Variants in PTPRT observed in about 807,000 individuals in gnomAD.
PTPRT encodes receptor-type tyrosine-protein phosphatase T.
PTPRT carries 56 observed loss-of-function variants against 176.8 expected under a neutral mutation model. The ratio of observed to expected loss-of-function variants is 0.32; its 90% CI spans 0.26 to 0.40. The LOEUF (loss-of-function observed/expected upper bound fraction) is 0.40, where lower values mean the gene tolerates loss of function less well. PTPRT is among the 10% of genes least tolerant of loss of function. The pLI is 1.00. For synonymous variants in PTPRT, 783 were observed against 739.0 expected (o/e 1.06, Z -0.96); for missense variants, 1,540 against 1,908.2 (o/e 0.81, Z 3.60).
At chr20:42,890,551 T>A (rs542731751) in intron 1 of PTPRT, among the ~76,000 whole-genome samples, 4 of 152,208 alleles carry the variant, frequency 2.6e-5, no homozygotes, top group Non-Finnish European at 5.9e-5. Context: ...TACAGACCCA[T>A]GCAGTCAGCA....
chr20:42,224,892 C>G (rs778683936), intron 15 of PTPRT, among the ~76,000 whole-genome samples: 1 of 152,164 alleles, frequency 6.6e-6, no homozygotes, highest in Non-Finnish European at 1.5e-5. Flanking sequence ...TTGCCAGCCA[C>G]ATCTCAATAA....
At chr20:42,810,286 G>C (rs1409302097) in intron 2 of PTPRT, among the ~76,000 whole-genome samples, 1 of 152,142 alleles carries the variant, frequency 6.6e-6, no homozygotes, top group Non-Finnish European at 1.5e-5. Flanking sequence ...GGCTGACAGA[G>C]TGAGGCTCCA....
chr20:42,448,524 A>G (rs1350724819), intron 8 of PTPRT, among the ~76,000 whole-genome samples, 195 bp from the exon 9 acceptor site: 1 of 152,204 alleles, frequency 6.6e-6, no homozygotes, highest in African/African-American at 2.4e-5. Context: ...TAGATAATCC[A>G]TAAATGAATG....
chr20:42,129,696 G>T (rs532174624), intron 18 of PTPRT, among the ~76,000 whole-genome samples: 7 of 152,322 alleles, frequency 4.6e-5, no homozygotes, highest in Admixed American at 3.9e-4. Context: ...GCAGGAATGG[G>T]TCCCTAAGAT....
At chr20:42,797,455 C>T (rs1290245100) in intron 2 of PTPRT, among the ~76,000 whole-genome samples, 1 of 152,030 alleles carries the variant, frequency 6.6e-6, no homozygotes, top group Non-Finnish European at 1.5e-5. Flanking sequence ...CCTATAAAGC[C>T]CAAGGTCTTT....
chr20:42,071,923 G>T (rs1366202695), downstream of PTPRT, among the ~76,000 whole-genome samples: 1 of 151,980 alleles, frequency 6.6e-6, no homozygotes, highest in Admixed American at 6.6e-5. Flanking sequence ...CTTCCAAAGT[G>T]CTGAGATAAC....
chr20:42,856,774 C>T lies in PTPRT; in HGVS notation c.214+29033G>A, dbSNP rs575355090. On this transcript the variant is annotated intron_variant, in intron 2 of 30. Coordinates refer to ENST00000373187, the MANE Select transcript of PTPRT (RefSeq NM_007050.6). ...GACAGGACAATAAAAACCAAGTTCA[C>T]GTATTTATTAAGTGGCAAAGCTATA... Among the ~76,000 whole-genome samples, 6 of 152,024 alleles carry T rather than the reference C, an allele frequency of 3.9e-5. No homozygotes were observed. In the East Asian group the frequency reaches 7.7e-4, roughly 20 times the overall value.
chr20:43,021,451 T>A (rs1985677050), intron 1 of PTPRT, among the ~76,000 whole-genome samples: 1 of 151,996 alleles, frequency 6.6e-6, no homozygotes, highest in Admixed American at 6.5e-5. Context: ...CCCACCCACC[T>A]TGGAAACCAA....
At chr20:42,529,596 C>G (rs141306702) in intron 7 of PTPRT, among the ~76,000 whole-genome samples, 1,699 of 152,228 alleles carry the variant, frequency 0.011, 38 homozygotes, top group African/African-American at 0.039. Context: ...AAGCGATTCT[C>G]CTGCCCCAGC....
intron 1 of PTPRT, among the ~76,000 whole-genome samples, chr20:43,051,374 A>G (rs1317774529): frequency 6.6e-6 from 1 of 152,226 alleles, no homozygotes; most frequent in African/African-American, 2.4e-5. Flanking sequence ...ATTTCAATCA[A>G]TGCTCTTTCC....
At chr20:42,575,421 T>C (rs1237217282) in intron 7 of PTPRT, among the ~76,000 whole-genome samples, 1 of 152,192 alleles carries the variant, frequency 6.6e-6, no homozygotes, top group Admixed American at 6.5e-5. Context: ...GGCTGAGGCA[T>C]GGCTGCAAAG....
At chr20:42,634,209 A>G (rs1341097330) in intron 7 of PTPRT, among the ~76,000 whole-genome samples, 1 of 133,488 alleles carries the variant, frequency 7.5e-6, no homozygotes. Context: ...GAGGAACAAA[A>G]CTGAAATATG....
intron 1 of PTPRT, among the ~76,000 whole-genome samples, chr20:42,976,267 G>GCA (rs1982943733): frequency 6.6e-6 from 1 of 152,086 alleles, no homozygotes; most frequent in African/African-American, 2.4e-5. Flanking sequence ...GACCTGCACT[G>GCA]GGCCTCCTGC....
chr20:42,935,126 C>T (rs1425645388), intron 1 of PTPRT, among the ~76,000 whole-genome samples: 5 of 130,642 alleles, frequency 3.8e-5, no homozygotes, highest in South Asian at 2.6e-4. Context: ...CTTGGAAGGG[C>T]GTCTCATTGC....
At chr20:42,267,014 A>G (rs2056850010) in intron 13 of PTPRT, among the ~76,000 whole-genome samples, 1 of 152,166 alleles carries the variant, frequency 6.6e-6, no homozygotes, top group South Asian at 2.1e-4. Context: ...GCTGCATATA[A>G]TAATAATAAT....
chr20:42,488,311 A>G (rs912303706), intron 7 of PTPRT, among the ~76,000 whole-genome samples: 4 of 152,200 alleles, frequency 2.6e-5, no homozygotes, highest in Admixed American at 6.5e-5. Context: ...AATTTGACAA[A>G]GTACTGTCAG....
At chr20:42,674,474 A>G (rs2075465766) in intron 7 of PTPRT, among the ~76,000 whole-genome samples, 1 of 152,238 alleles carries the variant, frequency 6.6e-6, no homozygotes, top group Non-Finnish European at 1.5e-5. Flanking sequence ...TCATCAGCAA[A>G]TAAGTCCACG....
intron 17 of PTPRT, 147 bp from the exon 18 acceptor site, chr20:42,142,149 C>T (rs1446969901): frequency 2.9e-6 from 2 of 683,816 alleles, no homozygotes. Context: ...CTGGGGAGGA[C>T]ATAGATTTTG....
At chr20:42,438,922 A>C (rs535549534) in intron 9 of PTPRT, among the ~76,000 whole-genome samples, 4 of 152,338 alleles carry the variant, frequency 2.6e-5, no homozygotes, top group African/African-American at 9.6e-5. Context: ...ATATACCACA[A>C]GTGGATGACC....
Sources: allele counts gnomAD v4.1 joint callset (sites outside exome capture counted in the v4.1 genomes callset), GRCh38; gene constraint gnomAD v4.1.1; transcripts MANE v1.5; gene names NCBI Gene and HGNC (gene_info 2026-07-23, HGNC 2026-07-21).